The following SCAPER variants were observed in gnomAD, a reference collection of about 807,000 sequenced individuals.
SCAPER encodes S phase cyclin A-associated protein in the endoplasmic reticulum.
In SCAPER, 98 loss-of-function variants were observed where a neutral mutation model predicts 182.2. That is an observed-to-expected ratio of 0.54 (90% CI 0.46 to 0.64). SCAPER has a LOEUF of 0.64. SCAPER is among the 30% of genes least tolerant of loss of function. SCAPER has a pLI of 0.00. For synonymous variants in SCAPER, 605 were observed against 564.6 expected (o/e 1.07, Z -1.01); for missense variants, 1,432 against 1,690.0 (o/e 0.85, Z 2.68).
intron 14 of SCAPER, among the ~76,000 whole-genome samples, chr15:76,756,249 A>AAG (rs2062424018): frequency 6.8e-6 from 1 of 146,910 alleles, no homozygotes; most frequent in Non-Finnish European, 1.5e-5. Context: ...GTCTCAAAAA[A>AAG]AAAAAAAAAA....
chr15:76,416,787 A>C (rs1596506271), intron 26 of SCAPER, among the ~76,000 whole-genome samples: 1 of 152,248 alleles, frequency 6.6e-6, no homozygotes, highest in Non-Finnish European at 1.5e-5. Context: ...AAAAACTAAA[A>C]TACACTTACA....
intron 29 of SCAPER, among the ~76,000 whole-genome samples, chr15:76,374,800 T>C (rs2042430462): frequency 6.6e-6 from 1 of 152,124 alleles, no homozygotes; most frequent in African/African-American, 2.4e-5. Flanking sequence ...TAGGGGGCTT[T>C]AGATGAATGA....
In SCAPER at chr15:76,492,602, A is replaced by T. The variant is rs532628177; in HGVS notation, c.2954+12257T>A. 5.9e-5 allele frequency among the ~76,000 whole-genome samples: 9 copies of T among 152,300 alleles called. No individual in the cohort carries two copies. In the South Asian group the frequency reaches 1.9e-3, roughly 32 times the overall value. ...CCTACATGTGGACTTGCATATATGG[A>T]AATATTTTTAATGTTATTGTTTCAG... On this transcript the variant is annotated intron_variant, in intron 24 of 31. Transcript: ENST00000563290.
chr15:76,482,411 G>A (rs283793), intron 24 of SCAPER, among the ~76,000 whole-genome samples: 98,772 of 151,998 alleles, frequency 0.65, 32,756 homozygotes, highest in Non-Finnish European at 0.72. Flanking sequence ...ATAAGAAACT[G>A]TAGCTAACAT....
intron 20 of SCAPER, 101 bp downstream of exon 20, chr15:76,701,657 A>C (rs755431495): frequency 3.0e-5 from 27 of 888,276 alleles, no homozygotes; most frequent in Non-Finnish European, 4.4e-5. Context: ...TATAGTTTTA[A>C]ATAATCATAG....
Position 76,734,884 on chromosome 15 carries a change from C to A in SCAPER, c.1867-1500G>T, listed in dbSNP as rs140635079. Among the ~76,000 whole-genome samples, 839 of 151,256 alleles carry A rather than the reference C, an allele frequency of 5.5e-3. 8 individuals carry two copies. Among genetic ancestry groups the A allele is most frequent in the African/African-American group, 0.02 (805 of 41,168 alleles). ...AAAGTGAGATTCCATCTCTCTCTCT[C>A]TATATATATATATATGATAAACAAG... On this transcript the variant is annotated intron_variant, in intron 15 of 31. Transcript: ENST00000563290.
rs561546424 is a variant in SCAPER, at chr15:76,782,500, T to C, written c.773-7383A>G. 5.5e-4 allele frequency among the ~76,000 whole-genome samples: 83 copies of C among 152,250 alleles called. No homozygotes were observed. In the Middle Eastern group the frequency reaches 0.014, roughly 25 times the overall value. On this transcript the variant is annotated intron_variant, in intron 8 of 31. Coordinates refer to ENST00000563290, the MANE Select transcript of SCAPER (RefSeq NM_020843.4). ...GACAGAAGGTTAGCAAAGATATCCA[T>C]GACTTGAACTCAGCTCTGCACCAAG...
At chr15:76,410,742 C>T (rs1178897790) in intron 26 of SCAPER, among the ~76,000 whole-genome samples, 2 of 151,602 alleles carry the variant, frequency 1.3e-5, no homozygotes, top group Admixed American at 1.3e-4. Context: ...TCATATATGG[C>T]TAATGAATGT....
intron 29 of SCAPER, among the ~76,000 whole-genome samples, chr15:76,371,883 A>C (rs1283165455): frequency 5.3e-5 from 8 of 151,762 alleles, no homozygotes. Flanking sequence ...GTGCCACTGC[A>C]CTCCAGCCTG....
At position 76,765,159 on chromosome 15, in the gene SCAPER, A is replaced by T. The variant is rs944651920; in HGVS notation, c.1614-87T>A. On this transcript the variant is annotated intron_variant, in intron 13 of 31. Transcript: ENST00000563290. ...TGTTCTTTAGACTTCATAGTTCTTA[A>T]AGTATACAAAACTAATTTTGGCCCA... 18 of 1,126,388 alleles carry T rather than the reference A, an allele frequency of 1.6e-5. No homozygotes were observed. In the Admixed American group the frequency reaches 5.0e-4, roughly 31 times the overall value. The allele number at this position is 1,126,388 out of a possible 1,614,324, so 69.8% of individuals were successfully genotyped here. A position where few individuals can be genotyped will look rare whatever the true frequency, so the allele number is the denominator to read the frequency against.
intron 21 of SCAPER, among the ~76,000 whole-genome samples, chr15:76,651,032 G>A (rs182978340): frequency 6.6e-6 from 1 of 152,076 alleles, no homozygotes; most frequent in Non-Finnish European, 1.5e-5. Context: ...GAGGGAAAGT[G>A]ATAGCTATAA....
intron 24 of SCAPER, among the ~76,000 whole-genome samples, chr15:76,483,253 T>C (rs1048494411): frequency 6.8e-6 from 1 of 148,062 alleles, no homozygotes; most frequent in African/African-American, 2.5e-5. Context: ...CAAAGAACAG[T>C]CATTTCAACA....
intron 24 of SCAPER, chr15:76,472,428 T>C: frequency 3.4e-6 from 2 of 592,270 alleles, no homozygotes; most frequent in South Asian, 3.2e-5. Flanking sequence ...AATACTATTT[T>C]TACGAAGTTT....
chr15:76,525,447 T>C (rs506000), intron 23 of SCAPER, among the ~76,000 whole-genome samples: 18,271 of 152,130 alleles, frequency 0.12, 1,509 homozygotes, highest in African/African-American at 0.24. Context: ...GAATACTACA[T>C]GATGCTGAGG....
intron 27 of SCAPER, among the ~76,000 whole-genome samples, chr15:76,382,353 A>AT (rs1319528624): frequency 3.7e-4 from 52 of 141,840 alleles, no homozygotes; most frequent in Non-Finnish European, 6.5e-4. Context: ...GGTATTTTTT[A>AT]TTTTTTTCTT....
chr15:76,405,487 C>G (rs2044762845), intron 26 of SCAPER, among the ~76,000 whole-genome samples: 1 of 152,124 alleles, frequency 6.6e-6, no homozygotes. Context: ...AACAGCATAA[C>G]AAACAGTGAG....
At chr15:76,494,080 C>A (rs1418028492) in intron 24 of SCAPER, among the ~76,000 whole-genome samples, 3 of 152,108 alleles carry the variant, frequency 2.0e-5, no homozygotes, top group Non-Finnish European at 2.9e-5. Context: ...CCCTAACTGG[C>A]TAATACTCTT....
chr15:76,505,599 T>C (rs985534116), intron 23 of SCAPER, among the ~76,000 whole-genome samples: 1 of 152,132 alleles, frequency 6.6e-6, no homozygotes, highest in Non-Finnish European at 1.5e-5. Context: ...TAGTAACAAA[T>C]GCTGGTGAGG....
intron 2 of SCAPER, among the ~76,000 whole-genome samples, chr15:76,876,863 CAG>C (rs1555650604): frequency 6.6e-6 from 1 of 151,902 alleles, no homozygotes; most frequent in Non-Finnish European, 1.5e-5. Flanking sequence ...AAGAATAAAA[CAG>C]GGAAATTACG....
Sources: allele counts gnomAD v4.1 joint callset (sites outside exome capture counted in the v4.1 genomes callset), GRCh38; gene constraint gnomAD v4.1.1; transcripts MANE v1.5; gene names NCBI Gene and HGNC (gene_info 2026-07-23, HGNC 2026-07-21).